Variants in HTR1E observed in about 807,000 individuals in gnomAD.
HTR1E encodes the protein 5-hydroxytryptamine receptor 1E.
In HTR1E, 3 loss-of-function variants were observed where a neutral mutation model predicts 3.4. The observed-to-expected ratio is 0.89, with a 90% CI of 0.41 to 2.31. The LOEUF is 2.31. Among genes scored for constraint, HTR1E ranks in the 30% most tolerant of loss-of-function variants. The pLI is 0.05. For synonymous variants in HTR1E, 170 were observed against 182.8 expected (o/e 0.93, Z 0.56); for missense variants, 392 against 467.0 (o/e 0.84, Z 1.48).
chr6:87,010,132 G>A (rs1170543098), intron 1 of HTR1E, among the ~76,000 whole-genome samples: 7 of 131,704 alleles, frequency 5.3e-5, no homozygotes, highest in Non-Finnish European at 9.8e-5. Context: ...CAGTAGGGGC[G>A]GCCGGGCAGA....
At chr6:86,956,519 A>G (rs1157369105) in intron 1 of HTR1E, among the ~76,000 whole-genome samples, 1 of 152,060 alleles carries the variant, frequency 6.6e-6, no homozygotes, top group Admixed American at 6.6e-5. Context: ...TGCCACCATC[A>G]CTGCTTTGAG....
intron 1 of HTR1E, among the ~76,000 whole-genome samples, chr6:86,965,495 G>A (rs190883992): frequency 1.2e-4 from 18 of 151,886 alleles, no homozygotes; most frequent in Middle Eastern, 3.4e-3. Context: ...TGATTTAATC[G>A]TTCTGGAATA....
intron 1 of HTR1E, among the ~76,000 whole-genome samples, chr6:87,009,992 T>C (rs370359479): frequency 8.8e-4 from 73 of 83,164 alleles, no homozygotes; most frequent in South Asian, 9.8e-4. Flanking sequence ...CCAGACGGGG[T>C]GGCTGGCCGG....
At chr6:86,943,305 G>T (rs1469178742) in intron 1 of HTR1E, among the ~76,000 whole-genome samples, 1 of 152,142 alleles carries the variant, frequency 6.6e-6, no homozygotes, top group African/African-American at 2.4e-5. Context: ...AGAACAAACT[G>T]ACCTACCCTG....
intron 1 of HTR1E, among the ~76,000 whole-genome samples, chr6:86,964,365 G>A (rs905432024): frequency 6.6e-6 from 1 of 152,094 alleles, no homozygotes; most frequent in African/African-American, 2.4e-5. Context: ...TTATGTTGTG[G>A]CTATATTTAG....
intron 1 of HTR1E, among the ~76,000 whole-genome samples, chr6:86,991,680 A>G (rs1767871343): frequency 6.6e-6 from 1 of 152,170 alleles, no homozygotes; most frequent in Admixed American, 6.6e-5. Flanking sequence ...AGAACAAACT[A>G]AGTCTTATTT....
chr6:86,954,442 A>G (rs1767293816), intron 1 of HTR1E, among the ~76,000 whole-genome samples: 1 of 152,216 alleles, frequency 6.6e-6, no homozygotes, highest in African/African-American at 2.4e-5. Context: ...GCTGAATAGT[A>G]TCTCTTAGCA....
At chr6:86,951,204 C>T (rs1328330787) in intron 1 of HTR1E, among the ~76,000 whole-genome samples, 1 of 152,150 alleles carries the variant, frequency 6.6e-6, no homozygotes, top group Non-Finnish European at 1.5e-5. Context: ...ATCACTAATA[C>T]GGATAATTTC....
chr6:86,950,745 TG>T (rs1767226657), intron 1 of HTR1E, among the ~76,000 whole-genome samples: 1 of 152,204 alleles, frequency 6.6e-6, no homozygotes, highest in African/African-American at 2.4e-5. Context: ...CAAATCTTCC[TG>T]GGCCTCAGTT....
intron 1 of HTR1E, among the ~76,000 whole-genome samples, chr6:86,945,974 G>A (rs943442186): frequency 2.6e-5 from 4 of 151,792 alleles, no homozygotes; most frequent in African/African-American, 9.7e-5. Flanking sequence ...CCTGACCTCA[G>A]GTGGTTTACC....
chr6:86,996,055 C>A (rs1444005011), intron 1 of HTR1E, among the ~76,000 whole-genome samples: 2 of 152,130 alleles, frequency 1.3e-5, no homozygotes, highest in Non-Finnish European at 2.9e-5. Context: ...CACTCAAAAA[C>A]TGACAGAACA....
intron 1 of HTR1E, among the ~76,000 whole-genome samples, chr6:86,938,641 G>A (rs1457135133): frequency 6.6e-6 from 1 of 152,168 alleles, no homozygotes; most frequent in Non-Finnish European, 1.5e-5. Context: ...GAAGGATAAG[G>A]CAGATGGTGT....
In HTR1E at chr6:86,989,192, G is replaced by A. The variant is rs561508471; in HGVS notation, c.-185-25958G>A. Among the ~76,000 whole-genome samples the A allele has an allele frequency of 4.6e-5, 7 of 152,238 alleles. No individual in the cohort carries two copies. The East Asian group carries it at 1.4e-3, about 29-fold the overall frequency. On this transcript the variant is annotated intron_variant, in intron 1 of 1. Transcript: ENST00000305344. ...TACCCCGACACCACACTGCCTCCCA[G>A]ATGTCCTTCTCCCTGAAGCCAGCCC...
rs1186607437 is a variant in HTR1E, at chr6:87,016,282, G to C, written c.948G>C (p.Leu316=). 1 of 1,613,400 alleles carries C rather than the reference G, an allele frequency of 6.2e-7. No individual in the cohort carries two copies. Residue 316 remains leucine (L), a synonymous_variant, in exon 2 of 2, where the codon CTG becomes CTC. Transcript: ENST00000305344. ...TCATCAAAGAGTTGATTGTGGGTCT[G>C]AGCATCTACACCGTGTCCTCGGAAG... ...PFFIKELIVG[L]SIYTVSSEVA...
At chr6:86,953,139 T>A (rs879350972) in intron 1 of HTR1E, among the ~76,000 whole-genome samples, 3 of 152,204 alleles carry the variant, frequency 2.0e-5, no homozygotes, top group Admixed American at 2.0e-4. Context: ...TCTCTCTTAG[T>A]CGAGATCCTT....
At chr6:86,958,437 T>C (rs1275273642) in intron 1 of HTR1E, among the ~76,000 whole-genome samples, 2 of 152,082 alleles carry the variant, frequency 1.3e-5, no homozygotes, top group Non-Finnish European at 2.9e-5. Context: ...TCCAGTCTGT[T>C]CCTGTTTCTG....
intron 1 of HTR1E, among the ~76,000 whole-genome samples, chr6:86,998,025 A>C (rs1325170070): frequency 6.7e-6 from 1 of 149,204 alleles, no homozygotes; most frequent in African/African-American, 2.5e-5. Context: ...TGTTATAAGA[A>C]CTATTCATCA....
chr6:86,971,070 G>A, intron 1 of HTR1E: 1 of 510,138 alleles, frequency 2.0e-6, no homozygotes, highest in Non-Finnish European at 3.9e-6. Flanking sequence ...ATAACTTCCT[G>A]TGGCCCTCCA....
chr6:86,948,187 T>C (rs376846901), intron 1 of HTR1E, among the ~76,000 whole-genome samples: 263 of 152,338 alleles, frequency 1.7e-3, no homozygotes, highest in African/African-American at 6.1e-3. Context: ...TCCAGCTTCA[T>C]CCATGTCCCT....
Sources: gnomAD v4.1 joint callset for allele counts (sites outside exome capture counted in the v4.1 genomes callset) on GRCh38, gnomAD v4.1.1 for gene constraint, MANE v1.5 for transcripts, NCBI Gene and HGNC (gene_info 2026-07-23, HGNC 2026-07-21) for gene names.